The following DGKI variants were observed in gnomAD, a reference collection of about 807,000 sequenced individuals.
The protein encoded by DGKI is diacylglycerol kinase iota.
Under a neutral mutation model 147.5 loss-of-function variants are expected in DGKI, and 55 were observed. The observed-to-expected ratio is 0.37, with a 90% confidence interval of 0.30 to 0.47. The LOEUF (loss-of-function observed/expected upper bound fraction) is 0.47. Among genes scored for constraint, DGKI ranks in the 20% least tolerant of loss-of-function variants. DGKI has a pLI of 1.00. For missense variants in DGKI, 1,007 were observed against 1,323.8 expected (o/e 0.76, Z 3.71); for synonymous variants, 469 against 477.1 (o/e 0.98, Z 0.22).
chr7:137,715,038 G>A (rs1794335468), intron 1 of DGKI, among the ~76,000 whole-genome samples: 1 of 152,068 alleles, frequency 6.6e-6, no homozygotes, highest in South Asian at 2.1e-4. Context: ...CCATAAAAAG[G>A]ACTACACTGA....
At chr7:137,806,584 C>A (rs1429713367) in intron 1 of DGKI, among the ~76,000 whole-genome samples, 1 of 152,140 alleles carries the variant, frequency 6.6e-6, no homozygotes, top group Non-Finnish European at 1.5e-5. Context: ...CAGGCACCTG[C>A]CAACACGCCC....
intron 27 of DGKI, among the ~76,000 whole-genome samples, chr7:137,451,304 TA>T (rs761770557): frequency 7.9e-5 from 12 of 152,194 alleles, no homozygotes; most frequent in Non-Finnish European, 5.9e-5. Context: ...TGAATCATTT[TA>T]TTAGATTAAT....
chr7:137,399,483 G>A (rs1373517965), intron 30 of DGKI, among the ~76,000 whole-genome samples: 2 of 152,116 alleles, frequency 1.3e-5, no homozygotes, highest in Non-Finnish European at 2.9e-5. Context: ...TTCTGGAGCT[G>A]TCCCTTCTTG....
At chr7:137,492,399 G>A (rs1312992065) in intron 21 of DGKI, among the ~76,000 whole-genome samples, 1 of 152,136 alleles carries the variant, frequency 6.6e-6, no homozygotes, top group Admixed American at 6.5e-5. Flanking sequence ...TATTGAGAAT[G>A]GCTAGAGAAA....
At chr7:137,660,710 G>A (rs1324741000) in intron 3 of DGKI, among the ~76,000 whole-genome samples, 2 of 152,018 alleles carry the variant, frequency 1.3e-5, no homozygotes, top group East Asian at 3.9e-4. Context: ...TTCTTCCTTT[G>A]AGCAAGATAT....
intron 20 of DGKI, among the ~76,000 whole-genome samples, chr7:137,526,405 A>G (rs911044930): frequency 3.4e-5 from 5 of 147,012 alleles, no homozygotes; most frequent in Admixed American, 6.8e-5. Context: ...CCTTCTCACT[A>G]AGCCGACAGG....
intron 6 of DGKI, 86 bp from the exon 7 acceptor site, chr7:137,623,640 T>C: frequency 8.3e-7 from 1 of 1,212,038 alleles, no homozygotes; most frequent in South Asian, 1.2e-5. Context: ...ATGACGTGAA[T>C]AAGGCCAGAA....
intron 19 of DGKI, among the ~76,000 whole-genome samples, chr7:137,559,581 A>T (rs1456453463): frequency 6.6e-6 from 1 of 152,004 alleles, no homozygotes; most frequent in Non-Finnish European, 1.5e-5. Flanking sequence ...TAAGTCAAAA[A>T]TTTTTCTATG....
chr7:137,757,113 T>G (rs10260158), intron 1 of DGKI, among the ~76,000 whole-genome samples: 8,229 of 152,194 alleles, frequency 0.054, 764 homozygotes, highest in African/African-American at 0.19. Context: ...CCCTGACTTT[T>G]CAAAGCACCA....
chr7:137,488,920 G>T (rs111761453), intron 21 of DGKI, among the ~76,000 whole-genome samples: 3,301 of 152,238 alleles, frequency 0.022, 49 homozygotes, highest in Non-Finnish European at 0.034. Flanking sequence ...ATTCTTGCCT[G>T]GGTGAAGGGG....
At chr7:137,733,282 C>T (rs1158996832) in intron 1 of DGKI, among the ~76,000 whole-genome samples, 2 of 151,984 alleles carry the variant, frequency 1.3e-5, no homozygotes, top group African/African-American at 4.8e-5. Context: ...CACCATTCTA[C>T]TTTCTGTCTC....
chr7:137,536,027 C>T (rs548963440), intron 20 of DGKI, among the ~76,000 whole-genome samples: 23 of 152,286 alleles, frequency 1.5e-4, no homozygotes, highest in Non-Finnish European at 2.6e-4. Flanking sequence ...AAGATTCACA[C>T]ATTTGCAACA....
In DGKI at chr7:137,383,457, C is replaced by T. The variant is rs941480618; in HGVS notation, c.*7763G>A. The T allele has an allele frequency of 6.6e-6, 1 of 151,202 alleles. No homozygotes were observed. The highest frequency in any genetic ancestry group is 2.4e-5 in the African/African-American group (1 of 41,152). The allele number at this position is 151,202 out of a possible 1,614,324, so 9.4% of individuals were successfully genotyped here. On this transcript the variant is annotated 3_prime_UTR_variant, in exon 33 of 33. Coordinates refer to ENST00000614521, the MANE Select transcript of DGKI (RefSeq NM_001321708.2). ...TTCATTGCTATCTAGTTGGCAGGAA[C>T]CTGGGGGAAAAAAATAGGCTCAAAT...
intron 20 of DGKI, among the ~76,000 whole-genome samples, chr7:137,543,723 T>G (rs935718069): frequency 1.3e-5 from 2 of 152,142 alleles, no homozygotes; most frequent in African/African-American, 4.8e-5. Flanking sequence ...AAAATCTCAC[T>G]TAACGATACT....
intron 3 of DGKI, among the ~76,000 whole-genome samples, chr7:137,665,484 G>T (rs142652043): frequency 1.3e-5 from 2 of 152,168 alleles, no homozygotes; most frequent in African/African-American, 4.8e-5. Context: ...TATTATGGTT[G>T]GAATTGCCTC....
chr7:137,737,513 A>T (rs1024175826), intron 1 of DGKI, among the ~76,000 whole-genome samples: 3 of 75,130 alleles, frequency 4.0e-5, no homozygotes, highest in Non-Finnish European at 9.5e-5. Context: ...TCGTTTTATT[A>T]AAAAAAAAAA....
rs1159087402 is a variant in DGKI at position 137,846,451 on chromosome 7, C to T, written c.401+11G>A. ...GCGCACCTGTCTCGGCTGCCGGCTC[C>T]CCGCACCTACCTGTACGAGACCTGC... On this transcript the variant is annotated intron_variant, in intron 1 of 32. Transcript: ENST00000614521. This position sits in a 1 kb window ranked among gnomAD's most constrained non-coding sequence, Gnocchi z 4.0. 2 of 1,578,900 alleles carry T rather than the reference C, an allele frequency of 1.3e-6. No homozygotes were observed. The highest frequency in any genetic ancestry group is 8.6e-7 in the Non-Finnish European group (1 of 1,161,304).
intron 10 of DGKI, among the ~76,000 whole-genome samples, chr7:137,602,970 T>G (rs1820046303): frequency 6.6e-6 from 1 of 152,002 alleles, no homozygotes; most frequent in Non-Finnish European, 1.5e-5. Context: ...CCACAGAACT[T>G]TTTTAGATAT....
At chr7:137,412,284 T>A in intron 28 of DGKI, 77 bp from the exon 29 acceptor site, 1 of 1,385,886 alleles carries the variant, frequency 7.2e-7, no homozygotes, top group South Asian at 1.2e-5. Context: ...TGGATCCATA[T>A]TTTGGATAAG....
Sources: allele counts gnomAD v4.1 joint callset (sites outside exome capture counted in the v4.1 genomes callset), GRCh38; gene constraint gnomAD v4.1.1; non-coding constraint Gnocchi (gnomAD v3.1); transcripts MANE v1.5; gene names NCBI Gene and HGNC (gene_info 2026-07-23, HGNC 2026-07-21).